The following DENND2B variants were observed in gnomAD, a reference collection of about 807,000 sequenced individuals.
DENND2B encodes the protein DENN domain containing 2B.
In DENND2B, 32 loss-of-function variants were observed where a neutral mutation model predicts 116.0. The observed-to-expected ratio is 0.28, with a 90% CI of 0.21 to 0.37. The LOEUF (loss-of-function observed/expected upper bound fraction) is 0.37, where lower values mean the gene tolerates loss of function less well. Among genes scored for constraint, DENND2B ranks in the 10% least tolerant of loss-of-function variants. The pLI is 1.00. For missense variants in DENND2B, 1,276 were observed against 1,477.7 expected, an observed-to-expected ratio of 0.86 and a Z score of 2.24; for synonymous variants, 588 against 583.9, an observed-to-expected ratio of 1.01 and a Z score of -0.10.
chr11:8,826,605 C>A (rs1191660586), intron 4 of DENND2B, among the ~76,000 whole-genome samples: 2 of 152,180 alleles, frequency 1.3e-5, no homozygotes, highest in Non-Finnish European at 2.9e-5. Context: ...ACATCCGGTT[C>A]TTATCCTAGG....
chr11:8,774,369 A>T (rs888645441), intron 1 of DENND2B: 3 of 965,966 alleles, frequency 3.1e-6, no homozygotes, highest in Non-Finnish European at 3.7e-6. Flanking sequence ...GTTGACAGAA[A>T]CATGTTCTCC....
At chr11:8,758,808 C>G (rs549414456) in intron 1 of DENND2B, among the ~76,000 whole-genome samples, 16 of 152,184 alleles carry the variant, frequency 1.1e-4, no homozygotes, top group Non-Finnish European at 1.5e-4. Flanking sequence ...TCGGCTCTAA[C>G]CTGACCTCCC....
chr11:8,779,510 C>T (rs1260246111), intron 1 of DENND2B, among the ~76,000 whole-genome samples: 12 of 105,596 alleles, frequency 1.1e-4, no homozygotes, highest in South Asian at 3.7e-4. Context: ...TTCTTTCTTT[C>T]TTTCTTTTTT....
In DENND2B at chr11:8,702,740, A is replaced by C. The variant is rs1267704842; in HGVS notation, c.2572-20T>G. The C allele has an allele frequency of 5.6e-6, 9 of 1,608,830 alleles. No individual in the cohort carries two copies. The highest frequency in any genetic ancestry group is 7.6e-6 in the Non-Finnish European group (9 of 1,177,588). On this transcript the variant is annotated intron_variant, in intron 13 of 19. Transcript: ENST00000313726. The surrounding 1 kb of genome is among the most constrained non-coding windows in gnomAD (Gnocchi z 4.6). Reference sequence around the variant, plus strand: ...TAACACCTGCAGGAGAGCGATGGGAAAGTGGGCCGGGGCCAGCCAAGTGGG... The same window carrying C: ...TAACACCTGCAGGAGAGCGATGGGACAGTGGGCCGGGGCCAGCCAAGTGGG...
Position 8,698,983 on chromosome 11 carries a change from A to C in DENND2B, c.2899-9T>G. ...AGATTCACCATCAGCGCCTGAGAAA[A>C]GGAGTCATTAGCAGAGTGGCTCAGG... On this transcript the variant is annotated splice_polypyrimidine_tract_variant and intron_variant, in intron 15 of 19. Coordinates refer to ENST00000313726, the MANE Select transcript of DENND2B (RefSeq NM_213618.2). 1 of 1,614,110 alleles carries C rather than the reference A, an allele frequency of 6.2e-7. No individual in the cohort carries two copies. Among genetic ancestry groups the C allele is most frequent in the Non-Finnish European group, 8.5e-7 (1 of 1,180,010 alleles).
At chr11:8,727,382 C>T (rs1052033704) in intron 3 of DENND2B, among the ~76,000 whole-genome samples, 4 of 152,178 alleles carry the variant, frequency 2.6e-5, no homozygotes, top group Admixed American at 6.5e-5. Context: ...TCAACACAAC[C>T]GAACACTCTT....
intron 16 of DENND2B, among the ~76,000 whole-genome samples, chr11:8,698,550 A>G (rs1260545209): frequency 6.6e-6 from 1 of 152,210 alleles, no homozygotes; most frequent in East Asian, 1.9e-4. Flanking sequence ...ACGTTACATA[A>G]CAATCTATAG....
intron 1 of DENND2B, among the ~76,000 whole-genome samples, chr11:8,802,169 T>A (rs2060408632): frequency 6.6e-6 from 1 of 151,238 alleles, no homozygotes; most frequent in Non-Finnish European, 1.5e-5. Flanking sequence ...GGTGTGGTGG[T>A]ACACACCTGT....
At chr11:8,757,196 T>C (rs1045714398) in intron 1 of DENND2B, 1 of 428,062 alleles carries the variant, frequency 2.3e-6, no homozygotes, top group South Asian at 1.7e-5. Context: ...AAGACTCACT[T>C]TGTCACTATA....
chr11:8,718,454 A>G, intron 4 of DENND2B: 1 of 1,513,060 alleles, frequency 6.6e-7, no homozygotes, highest in Non-Finnish European at 8.8e-7. Flanking sequence ...CAAGTCTTTT[A>G]GGGCAGGGTT....
intron 1 of DENND2B, among the ~76,000 whole-genome samples, chr11:8,779,937 C>A (rs1407079770): frequency 6.6e-6 from 1 of 152,204 alleles, no homozygotes; most frequent in African/African-American, 2.4e-5. Flanking sequence ...GGCTCCTGCT[C>A]CCACGGTAGG....
rs35035048 is a variant in DENND2B, at chr11:8,783,046, C to CTTTT, written c.-26+27467_-26+27470dup. Among the ~76,000 whole-genome samples, 967 of 118,944 alleles carry CTTTT rather than the reference C, an allele frequency of 8.1e-3. 8 individuals carry two copies. The highest frequency in any genetic ancestry group is 0.014 in the Middle Eastern group (3 of 212). The allele number at this position is 118,944 out of a possible 152,430, so 78.0% of individuals were successfully genotyped here. On this transcript the variant is annotated intron_variant, in intron 1 of 19. Transcript: ENST00000313726. ...TATGTAGATATTTGCCACCACTTAC[C>CTTTT]TTTTTTTTTTTTTTTTTTTTCCCAA...
chr11:8,756,226 TTC>T (rs1565862277), intron 1 of DENND2B, among the ~76,000 whole-genome samples: 1 of 152,232 alleles, frequency 6.6e-6, no homozygotes, highest in Non-Finnish European at 1.5e-5. Flanking sequence ...GAAAAACATA[TTC>T]TTTCTTTCCC....
chr11:8,812,751 G>C (rs2061435936), upstream of DENND2B, among the ~76,000 whole-genome samples: 1 of 152,182 alleles, frequency 6.6e-6, no homozygotes, highest in Admixed American at 6.5e-5. Flanking sequence ...CATCGGAAGA[G>C]ATGCTGTCCG....
chr11:8,771,529 C>CAGAGGG (rs2056854452), intron 1 of DENND2B: 1 of 107,392 alleles, frequency 9.3e-6, no homozygotes, highest in Non-Finnish European at 1.8e-5. Flanking sequence ...TATATATATA[C>CAGAGGG]AGAGAGAGAG....
intron 1 of DENND2B, among the ~76,000 whole-genome samples, chr11:8,906,263 T>A (rs1290594343): frequency 6.8e-6 from 1 of 146,322 alleles, no homozygotes; most frequent in Non-Finnish European, 1.5e-5. Flanking sequence ...TGGGGTGCAG[T>A]GGCGCGACCT....
chr11:8,889,610 C>T (rs1313136989), intron 1 of DENND2B, among the ~76,000 whole-genome samples: 7 of 152,220 alleles, frequency 4.6e-5, no homozygotes, highest in East Asian at 1.9e-4. Context: ...GCACATGGCT[C>T]GGAGGGTCCC....
intron 3 of DENND2B, among the ~76,000 whole-genome samples, chr11:8,855,854 G>C (rs1253142600): frequency 6.6e-6 from 1 of 152,114 alleles, no homozygotes; most frequent in African/African-American, 2.4e-5. Context: ...ATAAGGAAAG[G>C]GGATACATTG....
chr11:8,761,637 T>G (rs766624191), intron 1 of DENND2B, among the ~76,000 whole-genome samples: 1 of 152,180 alleles, frequency 6.6e-6, no homozygotes, highest in Admixed American at 6.5e-5. Context: ...CCAGTTCAAG[T>G]GTCAACTTCT....
Sources: gnomAD v4.1 joint callset for allele counts (sites outside exome capture counted in the v4.1 genomes callset) on GRCh38, gnomAD v4.1.1 for gene constraint, Gnocchi (gnomAD v3.1) non-coding constraint, MANE v1.5 for transcripts, NCBI Gene and HGNC (gene_info 2026-07-23, HGNC 2026-07-21) for gene names.